The following ARFGEF1 variants were observed in gnomAD, a reference collection of about 807,000 sequenced individuals.
The protein encoded by ARFGEF1 is brefeldin A-inhibited guanine nucleotide-exchange protein 1.
In ARFGEF1, 42 loss-of-function variants were observed where a neutral mutation model predicts 231.0. The ratio of observed to expected loss-of-function variants is 0.18; its 90% CI spans 0.14 to 0.24. The LOEUF (loss-of-function observed/expected upper bound fraction) is 0.24, where lower values mean the gene tolerates loss of function less well. Ranked by LOEUF, ARFGEF1 falls within the 10% of genes least tolerant of loss-of-function variation. ARFGEF1 has a pLI of 1.00. For missense variants in ARFGEF1, 1,345 were observed against 2,192.0 expected, an observed-to-expected ratio of 0.61 and a Z score of 7.72; for synonymous variants, 710 against 732.3, an observed-to-expected ratio of 0.97 and a Z score of 0.49.
At chr8:67,314,597 G>T (rs1807220047) in intron 1 of ARFGEF1, among the ~76,000 whole-genome samples, 1 of 152,142 alleles carries the variant, frequency 6.6e-6, no homozygotes, top group Non-Finnish European at 1.5e-5. Context: ...CACTTCTGCA[G>T]TTGGGGCACT....
rs943589023 is a variant in ARFGEF1, at chr8:67,247,549, T to C, written c.2850+3750A>G. On this transcript the variant is annotated intron_variant, in intron 19 of 38. Coordinates refer to ENST00000262215, the MANE Select transcript of ARFGEF1 (RefSeq NM_006421.5). ...ATAAAAACTCTCAAAGAAGTAGGTA[T>C]AGAAGGAATATTCCTCAACACAATG... Among the ~76,000 whole-genome samples, 8 of 150,098 alleles carry C rather than the reference T, an allele frequency of 5.3e-5. No individual in the cohort carries two copies. In the South Asian group the frequency reaches 1.1e-3, roughly 20 times the overall value.
downstream of ARFGEF1, among the ~76,000 whole-genome samples, chr8:67,196,948 CAA>C (rs1283348328): frequency 2.6e-5 from 4 of 152,164 alleles, no homozygotes; most frequent in South Asian, 2.1e-4. Context: ...GGTGTGAAAG[CAA>C]AGACTGAATA....
At chr8:67,296,686 T>C in intron 4 of ARFGEF1, 76 bp from the exon 5 acceptor site, 5 of 1,233,034 alleles carry the variant, frequency 4.1e-6, no homozygotes, top group Non-Finnish European at 5.5e-6. Context: ...TTTCTCGCTC[T>C]GTCACCCAGG....
intron 7 of ARFGEF1, among the ~76,000 whole-genome samples, chr8:67,278,908 G>A (rs896039431): frequency 2.0e-5 from 3 of 152,046 alleles, no homozygotes; most frequent in African/African-American, 7.2e-5. Context: ...GACTTTTGGA[G>A]CTTCAATATG....
intron 5 of ARFGEF1, among the ~76,000 whole-genome samples, chr8:67,295,593 A>G (rs1806197976): frequency 6.6e-6 from 1 of 152,202 alleles, no homozygotes; most frequent in African/African-American, 2.4e-5. Flanking sequence ...AGATCATGAA[A>G]AAGATAAGGA....
intron 10 of ARFGEF1, among the ~76,000 whole-genome samples, chr8:67,268,296 C>T (rs1416508969): frequency 6.6e-6 from 1 of 152,140 alleles, no homozygotes; most frequent in African/African-American, 2.4e-5. Flanking sequence ...AGCTTGAAGA[C>T]AGTAATGACC....
chr8:67,203,114 G>A lies in ARFGEF1; in HGVS notation c.5097C>T (p.Asn1699=), dbSNP rs771625598. 1.2e-6 allele frequency: 2 copies of A among 1,614,032 alleles called. No individual in the cohort carries two copies. The highest frequency in any genetic ancestry group is 1.7e-6 in the Non-Finnish European group (2 of 1,179,974). The change falls in exon 36 of 39, where the codon AAC becomes AAT. Residue 1699 remains asparagine, a synonymous_variant. Transcript: ENST00000262215. ...SHRFAKAFNS[N]NEQRTALWKA... is the part of the protein sequence containing the mutation. ...TCCACAGGGCAGTCCTCTGTTCGTTGTTGGAATTAAACGCTTTTGCAAATC... is the reference window on the plus strand; with the variant it reads ...TCCACAGGGCAGTCCTCTGTTCGTTATTGGAATTAAACGCTTTTGCAAATC...
chr8:67,203,410 G>A (rs1304864642), intron 35 of ARFGEF1, among the ~76,000 whole-genome samples, 159 bp from the exon 36 acceptor site: 1 of 152,076 alleles, frequency 6.6e-6, no homozygotes, highest in Non-Finnish European at 1.5e-5. Flanking sequence ...CTTCCAGTAC[G>A]CATCCTCGTC....
intron 17 of ARFGEF1, among the ~76,000 whole-genome samples, chr8:67,256,078 C>T (rs16933214): frequency 0.14 from 20,632 of 151,984 alleles, 2,850 homozygotes; most frequent in African/African-American, 0.35. Context: ...AAACCCAGGT[C>T]AAAATACTCT....
chr8:67,317,686 G>A (rs1055208267), intron 1 of ARFGEF1, among the ~76,000 whole-genome samples: 3 of 151,360 alleles, frequency 2.0e-5, no homozygotes, highest in Admixed American at 6.6e-5. Context: ...TGAAGCAGGT[G>A]GATCACCTGA....
chr8:67,278,457 T>G lies in ARFGEF1; in HGVS notation c.1028-1000A>C, dbSNP rs143606501. ...ACTAATTGATAACATGTCTCCAACTTTTGAGTGACTTGAGTAATATGAAAG... is the reference window on the plus strand; with the variant it reads ...ACTAATTGATAACATGTCTCCAACTGTTGAGTGACTTGAGTAATATGAAAG... On this transcript the variant is annotated intron_variant, in intron 7 of 38. Coordinates refer to ENST00000262215, the MANE Select transcript of ARFGEF1 (RefSeq NM_006421.5). 1.3e-5 allele frequency among the ~76,000 whole-genome samples: 2 copies of G among 152,262 alleles called. 1 individual carries two copies. Among genetic ancestry groups the G allele is most frequent in the Non-Finnish European group, 2.9e-5 (2 of 68,018 alleles).
chr8:67,315,144 A>G (rs1156929981), intron 1 of ARFGEF1, among the ~76,000 whole-genome samples: 1 of 152,272 alleles, frequency 6.6e-6, no homozygotes, highest in Non-Finnish European at 1.5e-5. Context: ...AGTAGAACTG[A>G]AAACAAAAAA....
intron 5 of ARFGEF1, among the ~76,000 whole-genome samples, chr8:67,183,116 A>G (rs1833458049): frequency 6.6e-6 from 1 of 152,238 alleles, no homozygotes; most frequent in African/African-American, 2.4e-5. Flanking sequence ...TTTAGCTCTT[A>G]ATGTTTAGAT....
intron 30 of ARFGEF1, among the ~76,000 whole-genome samples, chr8:67,219,177 G>A (rs1294309361): frequency 6.6e-6 from 1 of 152,158 alleles, no homozygotes; most frequent in Non-Finnish European, 1.5e-5. Flanking sequence ...ATGTTGGCCA[G>A]GCTGGTCTCA....
chr8:67,202,985 C>G, intron 36 of ARFGEF1, 98 bp downstream of exon 36: 1 of 1,279,108 alleles, frequency 7.8e-7, no homozygotes, highest in South Asian at 1.5e-5. Context: ...GTGACATGCA[C>G]AGACCTATAG....
intron 9 of ARFGEF1, among the ~76,000 whole-genome samples, chr8:67,272,151 A>G (rs541308494): frequency 1.3e-5 from 2 of 152,294 alleles, no homozygotes; most frequent in East Asian, 1.9e-4. Context: ...CCTGAACCAT[A>G]TATTTATAAT....
intron 23 of ARFGEF1, 130 bp from the exon 24 acceptor site, chr8:67,228,394 T>C: frequency 1.3e-6 from 1 of 763,428 alleles, no homozygotes; most frequent in Non-Finnish European, 2.1e-6. Flanking sequence ...TTCAAATGAG[T>C]ATTTTTCATC....
rs1281236178 is a variant in ARFGEF1 at position 67,266,029 on chromosome 8, T to G, written c.2100A>C (p.Glu700Asp). ...ACAAATCTATCCCTTGTTCTATTAT[T>G]TCTTTTTGTTGCTTTAGGACCTCAA... ...EQFEVLKQQK[E>D]IIEQGIDLFN... Residue 700 changes from glutamate (E) to aspartate (D), a missense_variant, in exon 14 of 39, where the codon GAA becomes GAC. By Grantham distance (45) the Glu-to-Asp change is conservative. Around this residue, in one of 14 missense-constraint regions of ARFGEF1, gnomAD observed 105 missense variants for 159.3 expected, o/e 0.66. Coordinates refer to ENST00000262215, the MANE Select transcript of ARFGEF1 (RefSeq NM_006421.5). 6.2e-7 allele frequency: 1 copy of G among 1,613,838 alleles called. No individual in the cohort carries two copies. The highest frequency in any genetic ancestry group is 2.2e-5 in the East Asian group (1 of 44,864).
chr8:67,188,743 C>T (rs1299692759), intron 5 of ARFGEF1, among the ~76,000 whole-genome samples: 2 of 152,198 alleles, frequency 1.3e-5, no homozygotes, highest in Non-Finnish European at 2.9e-5. Flanking sequence ...ACTTCTGATC[C>T]AGCGGGGTGG....
Sources: allele counts gnomAD v4.1 joint callset (sites outside exome capture counted in the v4.1 genomes callset), GRCh38; gene constraint gnomAD v4.1.1; regional missense constraint gnomAD v4.1.1; transcripts MANE v1.5; gene names NCBI Gene and HGNC (gene_info 2026-07-23, HGNC 2026-07-21).